Variants in ZRANB3 observed in about 807,000 individuals in gnomAD.
ZRANB3 encodes DNA annealing helicase and endonuclease ZRANB3.
In ZRANB3, 125 loss-of-function variants were observed where a neutral mutation model predicts 133.8. The ratio of observed to expected loss-of-function variants is 0.93; its 90% CI spans 0.81 to 1.08. The LOEUF (loss-of-function observed/expected upper bound fraction) is 1.08, where lower values mean the gene tolerates loss of function less well. Ranked by LOEUF, ZRANB3 falls within the 50% of genes least tolerant of loss-of-function variation. The probability of loss-of-function intolerance (pLI) is 0.00; values close to 1 mark genes in which losing one functional copy is unlikely to be tolerated. For synonymous variants in ZRANB3, 387 were observed against 432.7 expected, an observed-to-expected ratio of 0.89 and a Z score of 1.31; for missense variants, 1,229 against 1,275.5, an observed-to-expected ratio of 0.96 and a Z score of 0.56.
At chr2:135,360,153 T>G (rs953110679) in intron 3 of ZRANB3, among the ~76,000 whole-genome samples, 2 of 146,664 alleles carry the variant, frequency 1.4e-5, no homozygotes, top group South Asian at 2.2e-4. Context: ...CTGAGGCGGG[T>G]GGGTCACCTG....
At chr2:135,449,417 C>T (rs961097351) in intron 2 of ZRANB3, among the ~76,000 whole-genome samples, 27 of 152,068 alleles carry the variant, frequency 1.8e-4, no homozygotes, top group African/African-American at 6.3e-4. Flanking sequence ...GTCAGGAGTT[C>T]GAGACCATCC....
rs181319516 is a variant in ZRANB3, at chr2:135,306,033, T to C, written c.966+7456A>G. Among the ~76,000 whole-genome samples the C allele has an allele frequency of 4.6e-5, 7 of 152,356 alleles. No homozygotes were observed. The East Asian group carries it at 1.3e-3, about 29-fold the overall frequency. ...TTAGAATTCTCCCTTTGTCTTTGAC[T>C]TCTGACAACAATGTGCCTTGCAGAC... On this transcript the variant is annotated intron_variant, in intron 8 of 20. Transcript: ENST00000264159.
At chr2:135,498,642 ATC>A (rs1260173848) in intron 2 of ZRANB3, among the ~76,000 whole-genome samples, 1 of 152,236 alleles carries the variant, frequency 6.6e-6, no homozygotes, top group African/African-American at 2.4e-5. Flanking sequence ...CCGGGGCCAT[ATC>A]TCTCTTCTTT....
At chr2:135,386,642 C>T (rs1056857961) in intron 3 of ZRANB3, among the ~76,000 whole-genome samples, 7 of 152,188 alleles carry the variant, frequency 4.6e-5, no homozygotes, top group African/African-American at 1.4e-4. Context: ...CACATATACA[C>T]CATGGAATGC....
chr2:135,237,094 G>A (rs1695322204), intron 12 of ZRANB3, among the ~76,000 whole-genome samples: 1 of 151,860 alleles, frequency 6.6e-6, no homozygotes, highest in Non-Finnish European at 1.5e-5. Flanking sequence ...AAATTTACAA[G>A]AAAAAAACAA....
chr2:135,208,816 T>A (rs1458732308), intron 18 of ZRANB3, 52 bp downstream of exon 18: 7 of 1,439,500 alleles, frequency 4.9e-6, no homozygotes, highest in Non-Finnish European at 6.8e-6. Context: ...AATACATAAA[T>A]GTAAAGGAGT....
At chr2:135,444,197 G>GA (rs1420063086) in intron 2 of ZRANB3, among the ~76,000 whole-genome samples, 1 of 151,980 alleles carries the variant, frequency 6.6e-6, no homozygotes, top group East Asian at 1.9e-4. Flanking sequence ...AGCCACTTTA[G>GA]AAAACTACTT....
At chr2:135,362,627 G>A (rs1685744790) in intron 3 of ZRANB3, among the ~76,000 whole-genome samples, 1 of 152,210 alleles carries the variant, frequency 6.6e-6, no homozygotes, top group African/African-American at 2.4e-5. Flanking sequence ...AATGGTCTGA[G>A]AGGCTGGATA....
chr2:135,340,378 T>A (rs1573939184), intron 6 of ZRANB3, among the ~76,000 whole-genome samples: 1 of 152,234 alleles, frequency 6.6e-6, no homozygotes, highest in East Asian at 1.9e-4. Context: ...AGTGCTAGGA[T>A]TACAGGCGTT....
At position 135,335,893 on chromosome 2, in the gene ZRANB3, G is replaced by A. The variant is rs1051242312; in HGVS notation, c.677+9657C>T. Among the ~76,000 whole-genome samples the A allele has an allele frequency of 2.7e-4, 41 of 151,892 alleles. 1 individual carries two copies. The highest frequency in any genetic ancestry group is 3.4e-3 in the Middle Eastern group (1 of 294). On this transcript the variant is annotated intron_variant, in intron 6 of 20. Coordinates refer to ENST00000264159, the MANE Select transcript of ZRANB3 (RefSeq NM_032143.4). ...ATTCCCTAAGTTTTCATTACTTCCAGGGGGAAAAAAAAACAACATAAAAGG... is the reference window on the plus strand; with the variant it reads ...ATTCCCTAAGTTTTCATTACTTCCAAGGGGAAAAAAAAACAACATAAAAGG...
chr2:135,494,027 T>C (rs1223434437), intron 2 of ZRANB3, among the ~76,000 whole-genome samples: 1 of 150,942 alleles, frequency 6.6e-6, no homozygotes, highest in Non-Finnish European at 1.5e-5. Flanking sequence ...AAAACTAAGA[T>C]ACCATACAGT....
chr2:135,295,963 GC>G (rs1378860971), intron 8 of ZRANB3, among the ~76,000 whole-genome samples: 1 of 152,130 alleles, frequency 6.6e-6, no homozygotes, highest in Non-Finnish European at 1.5e-5. Context: ...AGTCTGATGG[GC>G]TTCCCTTTGT....
chr2:135,494,991 T>C (rs1253504235), intron 2 of ZRANB3, among the ~76,000 whole-genome samples: 4 of 152,180 alleles, frequency 2.6e-5, no homozygotes, highest in African/African-American at 4.8e-5. Flanking sequence ...TCCTAGCACT[T>C]TGGGAGGCCA....
intron 8 of ZRANB3, among the ~76,000 whole-genome samples, chr2:135,302,828 C>T (rs1291162726): frequency 6.6e-6 from 1 of 152,092 alleles, no homozygotes. Context: ...CCGGCCCCAA[C>T]TAGGGTTTTT....
intron 2 of ZRANB3, among the ~76,000 whole-genome samples, chr2:135,432,397 A>T (rs1574095235): frequency 1.3e-5 from 2 of 152,240 alleles, no homozygotes; most frequent in East Asian, 3.8e-4. Flanking sequence ...TGCTTTCAAT[A>T]AGTTATAGAA....
intron 8 of ZRANB3, among the ~76,000 whole-genome samples, chr2:135,298,704 C>A (rs1371365728): frequency 6.6e-6 from 1 of 152,172 alleles, no homozygotes; most frequent in East Asian, 1.9e-4. Flanking sequence ...TGCATACTAT[C>A]ACCAGCTCTG....
rs536720053 is a variant in ZRANB3 at position 135,438,276 on chromosome 2, G to A, written c.162-47456C>T. Among the ~76,000 whole-genome samples the A allele has an allele frequency of 4.5e-4, 68 of 152,042 alleles. No homozygotes were observed. In the South Asian group the frequency reaches 4.6e-3, roughly 10 times the overall value. On this transcript the variant is annotated intron_variant, in intron 2 of 20. Transcript: ENST00000264159. ...ACATTTTTTATTGGGAGGCTGAGGC[G>A]GGTGGATCACCTGAGGTCAGGAGTT...
intron 2 of ZRANB3, among the ~76,000 whole-genome samples, chr2:135,397,397 A>G (rs542130662): frequency 1.9e-4 from 29 of 151,580 alleles, no homozygotes; most frequent in African/African-American, 6.5e-4. Flanking sequence ...GCAGTGAGGC[A>G]TGATCGTACC....
At chr2:135,377,709 G>A (rs1388229796) in intron 3 of ZRANB3, among the ~76,000 whole-genome samples, 4 of 152,302 alleles carry the variant, frequency 2.6e-5, no homozygotes, top group African/African-American at 7.2e-5. Flanking sequence ...ATAAATGAAT[G>A]AATGAATTCC....
Sources: gnomAD v4.1 joint callset for allele counts (sites outside exome capture counted in the v4.1 genomes callset) on GRCh38, gnomAD v4.1.1 for gene constraint, MANE v1.5 for transcripts, NCBI Gene and HGNC (gene_info 2026-07-23, HGNC 2026-07-21) for gene names.